The following NCBP2L variants were observed in gnomAD, a reference collection of about 807,000 sequenced individuals.
NCBP2L encodes nuclear cap binding protein subunit 2 like.
For missense variants in NCBP2L, 95 were observed against 53.1 expected, an observed-to-expected ratio of 1.79 and a Z score of -2.45; for synonymous variants, 39 against 19.2, an observed-to-expected ratio of 2.04 and a Z score of -2.70.
chrX:107,784,311 C>T (rs1197286001), intron 1 of NCBP2L, among the ~76,000 whole-genome samples: 1 of 110,762 alleles, frequency 9.0e-6, no homozygotes, highest in East Asian at 2.8e-4. Flanking sequence ...AATAATTGCC[C>T]AGCAACTGGT....
chrX:107,783,012 A>G (rs1030910916), intron 1 of NCBP2L, among the ~76,000 whole-genome samples: 2 of 109,641 alleles, frequency 1.8e-5, no homozygotes, highest in African/African-American at 3.3e-5. Context: ...AAAATTAGGA[A>G]TTCATTTAGA....
intron 1 of NCBP2L, among the ~76,000 whole-genome samples, chrX:107,781,651 C>CATCTATCTATCT (rs1168324440): frequency 0.11 from 7,332 of 64,980 alleles, 504 homozygotes; most frequent in Non-Finnish European, 0.14. Flanking sequence ...ATCTATCTAT[C>CATCTATCTATCT]ATCTATCTAT....
chrX:107,792,079 C>A (rs1930459064), intron 1 of NCBP2L, among the ~76,000 whole-genome samples: 1 of 112,313 alleles, frequency 8.9e-6, no homozygotes, highest in East Asian at 2.8e-4. Context: ...TATAAATGAG[C>A]CAAACAAGAC....
At chrX:107,781,472 A>ATTTTTTTTTTTTTTTTTTTTTTT (rs769639335) in intron 1 of NCBP2L, among the ~76,000 whole-genome samples, 1 of 73,865 alleles carries the variant, frequency 1.4e-5, no homozygotes, top group Admixed American at 1.5e-4. Flanking sequence ...CGCCCGGCTA[A>ATTTTTTTTTTTTTTTTTTTTTTT]TTTTTTTTTT....
intron 1 of NCBP2L, among the ~76,000 whole-genome samples, chrX:107,780,619 G>C (rs1217679297): frequency 4.9e-5 from 5 of 102,926 alleles, no homozygotes; most frequent in Non-Finnish European, 9.7e-5. Context: ...AGAATCACCT[G>C]GGAAGTTCAC....
At chrX:107,790,051 T>A (rs1186842125) in intron 1 of NCBP2L, among the ~76,000 whole-genome samples, 1 of 110,697 alleles carries the variant, frequency 9.0e-6, no homozygotes, top group African/African-American at 3.3e-5. Context: ...TCATCTTTTT[T>A]ATTCCAATCT....
chrX:107,781,692 C>CTCTCTCTATATATATATATA (rs1395038482), intron 1 of NCBP2L, among the ~76,000 whole-genome samples: 37 of 66,915 alleles, frequency 5.5e-4, no homozygotes, highest in Non-Finnish European at 6.3e-4. Context: ...CTCTCTCTCT[C>CTCTCTCTATATATATATATA]TATATATATA....
At chrX:107,784,416 T>C (rs1254315631) in intron 1 of NCBP2L, among the ~76,000 whole-genome samples, 1 of 111,048 alleles carries the variant, frequency 9.0e-6, no homozygotes, top group African/African-American at 3.3e-5. Context: ...TTTTGGGTCA[T>C]TCAACTCTGC....
At chrX:107,791,092 T>A (rs1489109612) in intron 1 of NCBP2L, among the ~76,000 whole-genome samples, 1 of 112,170 alleles carries the variant, frequency 8.9e-6, no homozygotes, top group Admixed American at 9.5e-5. Flanking sequence ...GCTCTATAAA[T>A]GTTGATTGAA....
chrX:107,781,016 T>C (rs2147804823), intron 1 of NCBP2L, among the ~76,000 whole-genome samples: 1 of 110,692 alleles, frequency 9.0e-6, no homozygotes, highest in South Asian at 3.9e-4. Flanking sequence ...AGTCTCGACC[T>C]CCTGGGCTCC....
rs1320151269 is a variant in NCBP2L at position 107,794,793 on chromosome X, T to A, written c.*111T>A. 21 of 395,851 alleles carry A rather than the reference T, an allele frequency of 5.3e-5. No individual in the cohort carries two copies. The highest frequency in any genetic ancestry group is 8.5e-5 in the Non-Finnish European group (19 of 222,554). The allele number at this position is 395,851 out of a possible 1,213,427, so 32.6% of individuals were successfully genotyped here. On this transcript the variant is annotated 3_prime_UTR_variant, in exon 2 of 2. Coordinates refer to ENST00000509000, the MANE Select transcript of NCBP2L (RefSeq NM_001348372.2). ...AAGTTTAAATTACCTTACTTGTTGATGTATTTTTTTCTCTGAAAATTTGTT... is the reference window on the plus strand; with the variant it reads ...AAGTTTAAATTACCTTACTTGTTGAAGTATTTTTTTCTCTGAAAATTTGTT...
At chrX:107,786,136 T>C (rs1437958421) in intron 1 of NCBP2L, among the ~76,000 whole-genome samples, 2 of 111,192 alleles carry the variant, frequency 1.8e-5, no homozygotes, top group Non-Finnish European at 3.8e-5. Flanking sequence ...CAATTGTCTT[T>C]CAGCCACCTC....
chrX:107,778,518 C>T (rs952273598), intron 1 of NCBP2L, among the ~76,000 whole-genome samples: 1 of 112,682 alleles, frequency 8.9e-6, no homozygotes, highest in East Asian at 2.8e-4. Context: ...CATACAAGTC[C>T]AGCTTGTATT....
chrX:107,794,620 G>A lies in NCBP2L; in HGVS notation c.400G>A (p.Asp134Asn). Residue 134 changes from aspartate to asparagine, a missense_variant, in exon 2 of 2, where the codon GAT (aspartate) becomes AAT (asparagine). Transcript: ENST00000509000. ...CGGTAAATCTGGGGGTCAGGTAAGG[G>A]ATGAGTTTCGTGAAGATTTTCATTC... ...GRGKSGGQVR[D>N]EFREDFHSGR... 1 of 569,590 alleles carries A rather than the reference G, an allele frequency of 1.8e-6. No homozygotes were observed. The highest frequency in any genetic ancestry group is 2.2e-5 in the African/African-American group (1 of 45,252). 46.9% of individuals were successfully genotyped at this position (569,590 alleles called of 1,213,427 possible).
At chrX:107,792,349 A>G (rs2147808666) in intron 1 of NCBP2L, among the ~76,000 whole-genome samples, 1 of 110,676 alleles carries the variant, frequency 9.0e-6, no homozygotes, top group East Asian at 2.8e-4. Context: ...ATCAAAAAAA[A>G]AAAAAAAGGA....
At chrX:107,789,892 A>G (rs1040965263) in intron 1 of NCBP2L, among the ~76,000 whole-genome samples, 1 of 109,826 alleles carries the variant, frequency 9.1e-6, no homozygotes, top group East Asian at 2.9e-4. Flanking sequence ...GGTTTTATCT[A>G]CCATCCTATT....
At chrX:107,790,579 C>T (rs758818050) in intron 1 of NCBP2L, among the ~76,000 whole-genome samples, 8 of 111,092 alleles carry the variant, frequency 7.2e-5, no homozygotes, top group Non-Finnish European at 1.3e-4. Context: ...CTGAACACCC[C>T]CCATCACGCC....
In NCBP2L at chrX:107,794,847, G is replaced by A. The variant is rs1459924250; in HGVS notation, c.*165G>A. The A allele has an allele frequency of 2.4e-5, 9 of 382,470 alleles. No individual in the cohort carries two copies. In the East Asian group the frequency reaches 2.9e-4, roughly 12 times the overall value. The allele number at this position is 382,470 out of a possible 1,213,427, so 31.5% of individuals were successfully genotyped here. A position where few individuals can be genotyped will look rare whatever the true frequency, so the allele number is the denominator to read the frequency against. On this transcript the variant is annotated 3_prime_UTR_variant, in exon 2 of 2. Coordinates refer to ENST00000509000, the MANE Select transcript of NCBP2L (RefSeq NM_001348372.2). ...TAGCAGAAACAAAAAAAATCCATTTGTTTTTGTCTGAATTTTGAAGATGCT... is the reference window on the plus strand; with the variant it reads ...TAGCAGAAACAAAAAAAATCCATTTATTTTTGTCTGAATTTTGAAGATGCT...
At chrX:107,784,005 A>G (rs1930363591) in intron 1 of NCBP2L, among the ~76,000 whole-genome samples, 1 of 110,679 alleles carries the variant, frequency 9.0e-6, no homozygotes, top group African/African-American at 3.3e-5. Flanking sequence ...CATACCAAAC[A>G]CAGATTGGAA....
Sources: gnomAD v4.1 joint callset for allele counts (sites outside exome capture counted in the v4.1 genomes callset) on GRCh38, gnomAD v4.1.1 for gene constraint, MANE v1.5 for transcripts, NCBI Gene and HGNC (gene_info 2026-07-23, HGNC 2026-07-21) for gene names.